HSF5: variants seen among roughly 807,000 people sequenced by gnomAD.
HSF5 encodes the protein heat shock transcription factor 5, also known as heat shock factor protein 5.
Under a neutral mutation model 50.8 loss-of-function variants are expected in HSF5, and 5 were observed. That is an observed-to-expected ratio of 0.10 (90% CI 0.05 to 0.21). HSF5 has a LOEUF of 0.21. Among genes scored for constraint, HSF5 ranks in the 10% least tolerant of loss-of-function variants. The pLI is 1.00. For missense variants in HSF5, 564 were observed against 762.6 expected, an observed-to-expected ratio of 0.74 and a Z score of 3.07; for synonymous variants, 307 against 307.4, an observed-to-expected ratio of 1.00 and a Z score of 0.02.
chr17:58,461,624 C>A (rs1974794745), intron 4 of HSF5, among the ~76,000 whole-genome samples: 1 of 152,184 alleles, frequency 6.6e-6, no homozygotes, highest in Non-Finnish European at 1.5e-5. Flanking sequence ...GTAATCCCAG[C>A]ACTGTGGGAG....
rs190036499 is a variant in HSF5 at position 58,471,946 on chromosome 17, C to T, written c.926-4967G>A. On this transcript the variant is annotated intron_variant, in intron 2 of 5. Coordinates refer to ENST00000323777, the MANE Select transcript of HSF5 (RefSeq NM_001080439.3). The stretch of plus-strand genomic sequence containing the variant: ...TCAGCTCACTGCAGCCTCGGCCTCC[C>T]GGGTTCAAGTGATTGTCCTGCCTCA... Among the ~76,000 whole-genome samples, 551 of 152,052 alleles carry T rather than the reference C, an allele frequency of 3.6e-3. 2 individuals are homozygous for T. Among genetic ancestry groups the T allele is most frequent in the African/African-American group, 0.013 (520 of 41,466 alleles).
chr17:58,433,857 A>C (rs1205281907), intron 5 of HSF5, among the ~76,000 whole-genome samples: 1 of 152,006 alleles, frequency 6.6e-6, no homozygotes, highest in Non-Finnish European at 1.5e-5. Flanking sequence ...CTCTAAGGAA[A>C]GCAGAAAAAG....
In HSF5 at chr17:58,446,186, C is replaced by T. The variant is rs147631490; in HGVS notation, c.1720+12582G>A. The stretch of plus-strand genomic sequence containing the variant: ...AAAATGGGGCAGAGGCAGAGCAAGA[C>T]GGCAGTTTTGAATCCTCTAGTGATT... On this transcript the variant is annotated intron_variant, in intron 5 of 5. Coordinates refer to ENST00000323777, the MANE Select transcript of HSF5 (RefSeq NM_001080439.3). 5.8e-3 allele frequency among the ~76,000 whole-genome samples: 874 copies of T among 149,718 alleles called. 5 individuals carry two copies. Among genetic ancestry groups the T allele is most frequent in the African/African-American group, 9.4e-3 (381 of 40,600 alleles).
At chr17:58,487,591 A>C in intron 1 of HSF5, 134 bp downstream of exon 1, 4 of 1,278,864 alleles carry the variant, frequency 3.1e-6, no homozygotes, top group Non-Finnish European at 3.9e-6. Flanking sequence ...CGGGAAGCAC[A>C]GCGGCCAATG....
At chr17:58,424,698 A>C (rs1567904055) in intron 5 of HSF5, among the ~76,000 whole-genome samples, 1 of 151,814 alleles carries the variant, frequency 6.6e-6, no homozygotes, top group Non-Finnish European at 1.5e-5. Context: ...AGGCGGAAGG[A>C]TTGCTTGAGC....
At position 58,423,963 on chromosome 17, in the gene HSF5, T is replaced by C. The variant is rs548381381; in HGVS notation, c.1721-1533A>G. On this transcript the variant is annotated intron_variant, in intron 5 of 5. Transcript: ENST00000323777. Reference sequence around the variant, plus strand: ...AGCAGGATAGCTGATTCAAATAAAATGGAATTCTACTACCACTTGGTAGAA... The same window carrying C: ...AGCAGGATAGCTGATTCAAATAAAACGGAATTCTACTACCACTTGGTAGAA... 1.1e-4 allele frequency among the ~76,000 whole-genome samples: 16 copies of C among 152,316 alleles called. No homozygotes were observed. In the East Asian group the frequency reaches 2.5e-3, roughly 24 times the overall value.
rs1157860490 is a variant in HSF5, at chr17:58,439,279, AAC to A, written c.1721-16851_1721-16850del. On this transcript the variant is annotated intron_variant, in intron 5 of 5. Coordinates refer to ENST00000323777, the MANE Select transcript of HSF5 (RefSeq NM_001080439.3). ...GGGAAGAAAGCCAATGGAAAAAAAA[AAC>A]AAAAACAACAACAACCAAAAAAAAA... 2.8e-5 allele frequency among the ~76,000 whole-genome samples: 4 copies of A among 145,268 alleles called. No homozygotes were observed. The South Asian group carries it at 8.5e-4, about 31-fold the overall frequency.
At chr17:58,423,528 C>A (rs1159839905) in intron 5 of HSF5, among the ~76,000 whole-genome samples, 1 of 142,392 alleles carries the variant, frequency 7.0e-6, no homozygotes, top group African/African-American at 2.6e-5. Context: ...CACACTGTCA[C>A]CCGCGCTGGA....
At chr17:58,423,941 AG>A (rs1250610155) in intron 5 of HSF5, among the ~76,000 whole-genome samples, 2 of 152,238 alleles carry the variant, frequency 1.3e-5, no homozygotes, top group East Asian at 1.9e-4. Flanking sequence ...CAGCCCGAGC[AG>A]GATAGCTGAT....
chr17:58,464,629 A>T (rs538299925), intron 3 of HSF5, among the ~76,000 whole-genome samples: 2 of 152,202 alleles, frequency 1.3e-5, no homozygotes, highest in African/African-American at 4.8e-5. Flanking sequence ...TTGTCTTTTT[A>T]AAATTTTTTG....
rs1367334552 is a variant in HSF5, at chr17:58,462,907, T to A, written c.1417A>T (p.Ser473Cys). 1 of 1,614,200 alleles carries A rather than the reference T, an allele frequency of 6.2e-7. No homozygotes were observed. Among genetic ancestry groups the A allele is most frequent in the South Asian group, 1.1e-5 (1 of 91,084 alleles). ...ATGGCTGCAGATTCCTGTATTGTGC[T>A]ATTTTCAACAGGCTGAGCTGTGTGG... ...TIHTAQPVEN[S>C]TIQESAAIQQ... The change falls in exon 4 of 6, where the codon AGC becomes TGC. Residue 473 changes from serine (S) to cysteine (C), a missense_variant. Physicochemically the swap from Ser to Cys is moderately radical, Grantham distance 112. This residue lies in a region of HSF5 where 441 missense variants were observed against 533.6 expected (regional missense o/e 0.83). Transcript: ENST00000323777.
rs1974229038 is a variant in HSF5, at chr17:58,421,486, A to G, written c.*874T>C. ...CATTGTACATTTTCCTTTCAAAATA[A>G]AAATACTACACATGCATCCTTTATC... is the stretch of plus-strand genomic sequence containing the variant. On this transcript the variant is annotated 3_prime_UTR_variant, in exon 6 of 6. Transcript: ENST00000323777. 2 of 152,360 alleles carry G rather than the reference A, an allele frequency of 1.3e-5. No individual in the cohort carries two copies. Among genetic ancestry groups the G allele is most frequent in the Non-Finnish European group, 2.9e-5 (2 of 68,030 alleles). The allele number at this position is 152,360 out of a possible 1,614,324, so 9.4% of individuals were successfully genotyped here.
At chr17:58,438,478 C>G (rs1352483580) in intron 5 of HSF5, among the ~76,000 whole-genome samples, 1 of 152,086 alleles carries the variant, frequency 6.6e-6, no homozygotes, top group East Asian at 1.9e-4. Context: ...TCAGGCAGCA[C>G]ATGGTTAGGA....
intron 1 of HSF5, among the ~76,000 whole-genome samples, chr17:58,480,562 G>C (rs149075485): frequency 1.0e-3 from 157 of 152,186 alleles, no homozygotes; most frequent in Middle Eastern, 0.01. Flanking sequence ...TTTTATACAT[G>C]ATTTGGCCAT....
chr17:58,475,168 T>C lies in HSF5; in HGVS notation c.925+4725A>G, dbSNP rs1304829428. On this transcript the variant is annotated intron_variant, in intron 2 of 5. Coordinates refer to ENST00000323777, the MANE Select transcript of HSF5 (RefSeq NM_001080439.3). Reference sequence around the variant, plus strand: ...TTAAACTTAAAACATTTTGGGAAAATAATCCCTTTCACTGCTATATTTAGG... The same window carrying C: ...TTAAACTTAAAACATTTTGGGAAAACAATCCCTTTCACTGCTATATTTAGG... Among the ~76,000 whole-genome samples the C allele has an allele frequency of 2.0e-5, 3 of 152,214 alleles. No homozygotes were observed. The East Asian group carries it at 5.8e-4, about 29-fold the overall frequency.
intron 5 of HSF5, among the ~76,000 whole-genome samples, chr17:58,447,092 TCTA>T (rs1974571735): frequency 6.6e-6 from 1 of 152,068 alleles, no homozygotes; most frequent in Admixed American, 6.5e-5. Flanking sequence ...GCCACTGCAC[TCTA>T]GCCTGGGCGA....
intron 2 of HSF5, among the ~76,000 whole-genome samples, chr17:58,471,590 ATTTTCT>A (rs894163944): frequency 1.3e-5 from 2 of 149,436 alleles, no homozygotes; most frequent in Non-Finnish European, 1.5e-5. Flanking sequence ...CAAAATGGAT[ATTTTCT>A]TTTTCTTTTT....
chr17:58,466,828 A>G (rs1017706681), intron 3 of HSF5, 57 bp downstream of exon 3: 44 of 970,822 alleles, frequency 4.5e-5, no homozygotes, highest in Non-Finnish European at 7.4e-5. Context: ...AAATTTTGCA[A>G]TATCGATAAA....
intron 5 of HSF5, among the ~76,000 whole-genome samples, chr17:58,442,761 A>C (rs909192912): frequency 2.6e-5 from 4 of 152,010 alleles, no homozygotes; most frequent in Non-Finnish European, 5.9e-5. Context: ...TTTTTGTTTG[A>C]GATGTAGTCT....
Sources: allele counts gnomAD v4.1 joint callset (sites outside exome capture counted in the v4.1 genomes callset), GRCh38; gene constraint gnomAD v4.1.1; regional missense constraint gnomAD v4.1.1; transcripts MANE v1.5; gene names NCBI Gene and HGNC (gene_info 2026-07-23, HGNC 2026-07-21).